SLC38A6: variants seen among roughly 807,000 people sequenced by gnomAD.
SLC38A6 encodes N system amino acid transporter NAT-1.
In SLC38A6, 73 loss-of-function variants were observed where a neutral mutation model predicts 65.0. That is an observed-to-expected ratio of 1.12 (90% CI 0.93 to 1.37). The LOEUF (loss-of-function observed/expected upper bound fraction) is 1.37, where lower values mean the gene tolerates loss of function less well. Among genes scored for constraint, SLC38A6 ranks in the 40% most tolerant of loss-of-function variants. The pLI is 0.00. For missense variants in SLC38A6, 561 were observed against 531.1 expected (o/e 1.06, Z -0.55); for synonymous variants, 183 against 178.8 (o/e 1.02, Z -0.19).
chr14:61,018,945 A>T (rs1251567029), intron 4 of SLC38A6, among the ~76,000 whole-genome samples: 1 of 152,150 alleles, frequency 6.6e-6, no homozygotes, highest in Admixed American at 6.5e-5. Context: ...GGAATTCTCC[A>T]ATATCCTACA....
intron 9 of SLC38A6, 26 bp from the exon 10 acceptor site, chr14:61,043,423 CT>C: frequency 1.9e-6 from 3 of 1,561,618 alleles, no homozygotes; most frequent in Non-Finnish European, 2.6e-6. Context: ...GTTGGTTTCT[CT>C]TTTTCCCCTC....
chr14:61,005,180 C>G (rs2039000991), intron 3 of SLC38A6, among the ~76,000 whole-genome samples: 1 of 152,146 alleles, frequency 6.6e-6, no homozygotes, highest in African/African-American at 2.4e-5. Context: ...TGGGACGTAT[C>G]TCCAAATTAG....
chr14:61,044,184 C>G (rs2041992356), intron 10 of SLC38A6, among the ~76,000 whole-genome samples: 1 of 152,198 alleles, frequency 6.6e-6, no homozygotes, highest in Non-Finnish European at 1.5e-5. Flanking sequence ...CTTTCTGACT[C>G]TGCTGAAATG....
chr14:61,048,984 C>T (rs1455143650), intron 12 of SLC38A6, among the ~76,000 whole-genome samples: 1 of 152,186 alleles, frequency 6.6e-6, no homozygotes, highest in East Asian at 1.9e-4. Flanking sequence ...TAGTCTCCTA[C>T]TTAGTCCAAA....
chr14:60,990,551 A>G (rs1566612264), intron 3 of SLC38A6, among the ~76,000 whole-genome samples: 2 of 152,114 alleles, frequency 1.3e-5, no homozygotes, highest in African/African-American at 2.4e-5. Context: ...TGCTTAGGCC[A>G]AAGATCTTTA....
At chr14:61,042,655 G>A (rs2041881101) in intron 8 of SLC38A6, among the ~76,000 whole-genome samples, 1 of 152,142 alleles carries the variant, frequency 6.6e-6, no homozygotes, top group Non-Finnish European at 1.5e-5. Flanking sequence ...ATTCAGATCT[G>A]TAAAAGTAAG....
At chr14:61,081,313 A>ATTAG (rs1473419905) in intron 16 of SLC38A6, among the ~76,000 whole-genome samples, 31 of 150,776 alleles carry the variant, frequency 2.1e-4, no homozygotes, top group Non-Finnish European at 2.2e-4. Context: ...TTCTACTTTG[A>ATTAG]CCAGTGCTTT....
At chr14:61,061,478 C>T (rs1445295961) in intron 15 of SLC38A6, among the ~76,000 whole-genome samples, 1 of 152,120 alleles carries the variant, frequency 6.6e-6, no homozygotes, top group Admixed American at 6.5e-5. Flanking sequence ...CCCTCCTCCT[C>T]AATTTTTTTG....
chr14:60,990,389 C>T (rs1174257922), intron 3 of SLC38A6, among the ~76,000 whole-genome samples: 1 of 152,102 alleles, frequency 6.6e-6, no homozygotes, highest in African/African-American at 2.4e-5. Flanking sequence ...CTGGAACTCT[C>T]CCCTGAATTT....
At chr14:61,020,976 G>A (rs2040315746) in intron 5 of SLC38A6, among the ~76,000 whole-genome samples, 1 of 152,114 alleles carries the variant, frequency 6.6e-6, no homozygotes. Context: ...AAGGCCCACT[G>A]TTGTATTCTT....
chr14:61,023,590 T>TAATAATA (rs1486124093), intron 5 of SLC38A6, among the ~76,000 whole-genome samples: 49 of 143,136 alleles, frequency 3.4e-4, no homozygotes, highest in South Asian at 2.9e-3. Context: ...ATAATAATAA[T>TAATAATA]ATATATATAT....
intron 5 of SLC38A6, among the ~76,000 whole-genome samples, chr14:61,026,134 A>G (rs747380459): frequency 1.3e-5 from 2 of 152,162 alleles, no homozygotes; most frequent in Non-Finnish European, 2.9e-5. Context: ...CCAAACTCCA[A>G]TTAGGGTTGG....
At chr14:60,993,533 G>C (rs1171033367) in intron 3 of SLC38A6, among the ~76,000 whole-genome samples, 1 of 152,198 alleles carries the variant, frequency 6.6e-6, no homozygotes, top group Non-Finnish European at 1.5e-5. Context: ...CTGAAGGAGA[G>C]TCCCAGTTAG....
intron 3 of SLC38A6, among the ~76,000 whole-genome samples, chr14:61,012,927 C>G (rs1002661950): frequency 1.3e-5 from 2 of 152,122 alleles, no homozygotes; most frequent in African/African-American, 4.8e-5. Context: ...GAGTTCAATT[C>G]CTGGAGATCC....
At chr14:61,011,724 G>A (rs1354500046) in intron 3 of SLC38A6, among the ~76,000 whole-genome samples, 1 of 152,210 alleles carries the variant, frequency 6.6e-6, no homozygotes, top group African/African-American at 2.4e-5. Context: ...CCATCCCAGG[G>A]ATGAAGCCGA....
intron 3 of SLC38A6, among the ~76,000 whole-genome samples, chr14:60,987,785 G>A (rs79874565): frequency 2.6e-5 from 4 of 152,196 alleles, no homozygotes; most frequent in Non-Finnish European, 5.9e-5. Flanking sequence ...GTCAACTGGA[G>A]AGAGTGAGAG....
chr14:61,021,366 C>G (rs761255381), intron 5 of SLC38A6, among the ~76,000 whole-genome samples: 1 of 152,150 alleles, frequency 6.6e-6, no homozygotes, highest in African/African-American at 2.4e-5. Context: ...TAGACTAATT[C>G]AAGTATTGTT....
At chr14:61,004,364 G>A (rs1033663550) in intron 3 of SLC38A6, 5 of 152,098 alleles carry the variant, frequency 3.3e-5, no homozygotes, top group Admixed American at 3.3e-4. Flanking sequence ...TAGGTCATTT[G>A]AAAAGCAGGT....
At chr14:61,008,489 G>T (rs2039319407) in intron 3 of SLC38A6, among the ~76,000 whole-genome samples, 1 of 152,120 alleles carries the variant, frequency 6.6e-6, no homozygotes, top group Non-Finnish European at 1.5e-5. Flanking sequence ...GAAATGATGA[G>T]CCATATCTTT....
Sources: allele counts gnomAD v4.1 joint callset (sites outside exome capture counted in the v4.1 genomes callset), GRCh38; gene constraint gnomAD v4.1.1; transcripts MANE v1.5; gene names NCBI Gene and HGNC (gene_info 2026-07-23, HGNC 2026-07-21).